The following KCNIP4 variants were observed in gnomAD, a reference collection of about 807,000 sequenced individuals.
KCNIP4 encodes potassium voltage-gated channel interacting protein 4.
A neutral mutation model predicts 34.0 loss-of-function variants in KCNIP4; 12 were observed. That is an observed-to-expected ratio of 0.35 (90% CI 0.23 to 0.57). KCNIP4 has a LOEUF of 0.57. KCNIP4 is among the 20% of genes least tolerant of loss of function. The pLI is 0.83. For synonymous variants in KCNIP4, 124 were observed against 102.2 expected, an observed-to-expected ratio of 1.21 and a Z score of -1.29; for missense variants, 238 against 311.7, an observed-to-expected ratio of 0.76 and a Z score of 1.78.
intron 1 of KCNIP4, among the ~76,000 whole-genome samples, chr4:20,967,863 G>A (rs556490400): frequency 5.4e-4 from 83 of 152,294 alleles, no homozygotes; most frequent in Non-Finnish European, 9.7e-4. Flanking sequence ...TCAGGACATA[G>A]GCATGGGCAA....
At chr4:20,779,973 T>C (rs773090072) in intron 3 of KCNIP4, among the ~76,000 whole-genome samples, 1 of 152,190 alleles carries the variant, frequency 6.6e-6, no homozygotes, top group Non-Finnish European at 1.5e-5. Flanking sequence ...TAAATTTTTG[T>C]TGTTTTAAGC....
chr4:21,897,664 TC>T (rs1436285354), intron 1 of KCNIP4, among the ~76,000 whole-genome samples: 4 of 152,110 alleles, frequency 2.6e-5, no homozygotes, highest in Admixed American at 2.0e-4. Flanking sequence ...CTAAAGGACT[TC>T]CAGGAATGAA....
intron 1 of KCNIP4, among the ~76,000 whole-genome samples, chr4:21,062,206 C>T (rs1392465482): frequency 2.6e-5 from 4 of 152,202 alleles, no homozygotes; most frequent in Admixed American, 2.0e-4. Context: ...TTAAATTCTC[C>T]TATGTCCTCA....
intron 4 of KCNIP4, among the ~76,000 whole-genome samples, chr4:20,751,538 GA>G (rs34470537): frequency 0.12 from 18,365 of 147,434 alleles, 1,276 homozygotes; most frequent in South Asian, 0.2. Flanking sequence ...TTCAGAGGAG[GA>G]AAAAAAAAAG....
At chr4:21,925,158 T>G (rs987983628) in intron 1 of KCNIP4, among the ~76,000 whole-genome samples, 6 of 152,126 alleles carry the variant, frequency 3.9e-5, no homozygotes, top group Admixed American at 3.9e-4. Flanking sequence ...TACGTATACA[T>G]GTGCCATGTT....
At chr4:21,919,100 C>T (rs1728804489) in intron 1 of KCNIP4, among the ~76,000 whole-genome samples, 1 of 152,186 alleles carries the variant, frequency 6.6e-6, no homozygotes, top group African/African-American at 2.4e-5. Context: ...TAACTGACTA[C>T]AGAATTTAAT....
At chr4:21,374,210 G>A (rs1329677189) in intron 1 of KCNIP4, among the ~76,000 whole-genome samples, 1 of 147,080 alleles carries the variant, frequency 6.8e-6, no homozygotes, top group Non-Finnish European at 1.5e-5. Flanking sequence ...TCACCCTGCT[G>A]ATAAAGACAT....
chr4:21,633,299 T>C (rs1503979), intron 1 of KCNIP4, among the ~76,000 whole-genome samples: 55,142 of 151,840 alleles, frequency 0.36, 10,552 homozygotes, highest in Non-Finnish European at 0.42. Context: ...TTTTTGGACA[T>C]ATAGTTGAGC....
intron 1 of KCNIP4, among the ~76,000 whole-genome samples, chr4:21,822,482 T>G (rs1186919718): frequency 6.6e-6 from 1 of 152,080 alleles, no homozygotes; most frequent in Non-Finnish European, 1.5e-5. Context: ...CAGAAACAAA[T>G]GTAACTCCCT....
At chr4:21,043,884 C>T (rs1301813675) in intron 1 of KCNIP4, among the ~76,000 whole-genome samples, 5 of 152,094 alleles carry the variant, frequency 3.3e-5, no homozygotes, top group Non-Finnish European at 5.9e-5. Context: ...ATCTATTGAA[C>T]ACTGAAGCTA....
At chr4:21,946,758 T>C (rs2109025832) in intron 1 of KCNIP4, among the ~76,000 whole-genome samples, 1 of 152,336 alleles carries the variant, frequency 6.6e-6, no homozygotes, top group East Asian at 1.9e-4. Context: ...GCCAGAAAAC[T>C]CATCACTTTG....
At chr4:20,797,092 G>C (rs1296256213) in intron 3 of KCNIP4, among the ~76,000 whole-genome samples, 1 of 152,182 alleles carries the variant, frequency 6.6e-6, no homozygotes, top group African/African-American at 2.4e-5. Context: ...CTACAAGCTA[G>C]AAAGGGCTCA....
At chr4:20,828,539 C>G (rs924923802) in intron 3 of KCNIP4, among the ~76,000 whole-genome samples, 1 of 152,188 alleles carries the variant, frequency 6.6e-6, no homozygotes, top group Non-Finnish European at 1.5e-5. Flanking sequence ...AAGGCTGATA[C>G]TCAGATACAA....
intron 1 of KCNIP4, among the ~76,000 whole-genome samples, chr4:20,908,811 A>G (rs1252931165): frequency 6.6e-6 from 1 of 152,248 alleles, no homozygotes; most frequent in African/African-American, 2.4e-5. Flanking sequence ...AGACAGAGCA[A>G]GGATAATAAT....
chr4:21,568,928 A>G (rs537031504), intron 1 of KCNIP4, among the ~76,000 whole-genome samples: 4 of 151,724 alleles, frequency 2.6e-5, no homozygotes, highest in Non-Finnish European at 5.9e-5. Context: ...TGAAGGAAAA[A>G]CTCTGGGTAA....
At chr4:21,182,399 A>G (rs1754903989) in intron 1 of KCNIP4, among the ~76,000 whole-genome samples, 1 of 148,432 alleles carries the variant, frequency 6.7e-6, no homozygotes, top group Non-Finnish European at 1.5e-5. Context: ...CTTACTTTCA[A>G]CTTTTCCTCT....
At chr4:20,822,882 C>T (rs1717281827) in intron 3 of KCNIP4, among the ~76,000 whole-genome samples, 1 of 152,116 alleles carries the variant, frequency 6.6e-6, no homozygotes, top group South Asian at 2.1e-4. Context: ...TTACTACTCT[C>T]ATAAAAGAGG....
At chr4:21,107,350 T>A (rs1748655834) in intron 1 of KCNIP4, among the ~76,000 whole-genome samples, 1 of 144,142 alleles carries the variant, frequency 6.9e-6, no homozygotes, top group South Asian at 2.2e-4. Flanking sequence ...TACCATTATG[T>A]AATGACCTTC....
At chr4:20,865,963 T>C (rs1489055531) in intron 2 of KCNIP4, among the ~76,000 whole-genome samples, 1 of 151,926 alleles carries the variant, frequency 6.6e-6, no homozygotes, top group East Asian at 1.9e-4. Context: ...CATAAACATA[T>C]AAATAACATT....
Sources: gnomAD v4.1 joint callset for allele counts (sites outside exome capture counted in the v4.1 genomes callset) on GRCh38, gnomAD v4.1.1 for gene constraint, MANE v1.5 for transcripts, NCBI Gene and HGNC (gene_info 2026-07-23, HGNC 2026-07-21) for gene names.